Variants in TMCO1 observed in about 807,000 individuals in gnomAD.
TMCO1 encodes the protein transmembrane and coiled-coil domains 1.
TMCO1 carries 29 observed loss-of-function variants against 29.3 expected under a neutral mutation model. The observed-to-expected ratio is 0.99, with a 90% CI of 0.74 to 1.35. The LOEUF (loss-of-function observed/expected upper bound fraction) is 1.35. TMCO1 is among the 40% of genes most tolerant of loss of function. TMCO1 has a pLI of 0.00. For synonymous variants in TMCO1, 80 were observed against 77.1 expected, an observed-to-expected ratio of 1.04 and a Z score of -0.20; for missense variants, 173 against 225.5, an observed-to-expected ratio of 0.77 and a Z score of 1.49.
At chr1:165,768,880 G>A (rs949839058), upstream of TMCO1, 83 of 1,555,834 alleles carry the variant, frequency 5.3e-5, 1 homozygote, top group Non-Finnish European at 7.0e-5. Flanking sequence ...ACAGCCCGAA[G>A]ATCGCACTTC....
intron 3 of TMCO1, among the ~76,000 whole-genome samples, chr1:165,756,214 C>T (rs933133948): frequency 1.3e-5 from 2 of 152,012 alleles, no homozygotes; most frequent in South Asian, 2.1e-4. Flanking sequence ...TGAGATAGAA[C>T]CCAAGGACAC....
chr1:165,759,951 T>C (rs968565048), intron 2 of TMCO1, among the ~76,000 whole-genome samples: 2 of 152,150 alleles, frequency 1.3e-5, no homozygotes, highest in Non-Finnish European at 2.9e-5. Context: ...CATTCTCTTA[T>C]GACAGAAGGT....
intron 6 of TMCO1, among the ~76,000 whole-genome samples, chr1:165,741,268 C>A (rs907958540): frequency 4.6e-5 from 7 of 152,120 alleles, no homozygotes; most frequent in Admixed American, 6.6e-5. Flanking sequence ...ATTTCTCAAT[C>A]TTTTCCCATT....
At chr1:165,731,737 T>C (rs1651166917) in intron 6 of TMCO1, among the ~76,000 whole-genome samples, 2 of 152,262 alleles carry the variant, frequency 1.3e-5, no homozygotes, top group South Asian at 2.1e-4. Context: ...CAAATAGCAA[T>C]AGCAGCAACA....
chr1:165,752,185 C>A lies in TMCO1; in HGVS notation c.256-16G>T, dbSNP rs1351217379. ...TCATTCGAACCTGTAATGAGACGAACAAATTGTCATTTTACACTAAAAAAA... is the reference window on the plus strand; with the variant it reads ...TCATTCGAACCTGTAATGAGACGAAAAAATTGTCATTTTACACTAAAAAAA... On this transcript the variant is annotated splice_polypyrimidine_tract_variant and intron_variant, in intron 4 of 6. Coordinates refer to ENST00000367881, the MANE Select transcript of TMCO1 (RefSeq NM_019026.6). The A allele has an allele frequency of 6.3e-7, 1 of 1,592,488 alleles. No individual in the cohort carries two copies.
intron 6 of TMCO1, 139 bp from the exon 7 acceptor site, chr1:165,728,260 CT>C (rs397967679): frequency 0.11 from 45,668 of 407,164 alleles, no homozygotes; most frequent in South Asian, 0.18. Flanking sequence ...ATGATTATCA[CT>C]TTTTTTTTTT....
At chr1:165,768,518 TCC>T in intron 1 of TMCO1, 162 bp downstream of exon 1, 1 of 1,550,878 alleles carries the variant, frequency 6.4e-7, no homozygotes, top group Non-Finnish European at 8.7e-7. Flanking sequence ...GACTCCATAC[TCC>T]CCTCCTGCTC....
At chr1:165,753,950 ACTT>A (rs1232835349) in intron 4 of TMCO1, among the ~76,000 whole-genome samples, 1 of 152,114 alleles carries the variant, frequency 6.6e-6, no homozygotes, top group Non-Finnish European at 1.5e-5. Context: ...AAAATAAACT[ACTT>A]CATTTGAAAA....
chr1:165,759,554 G>A lies in TMCO1; in HGVS notation c.179C>T (p.Ser60Leu). ...TTTCTTTTTCTGTTGTCGACCAGCT[G>A]ACTCTGTTATTGTTTCCTTCTTCTT... is the stretch of plus-strand genomic sequence containing the variant. ...LEKKKETITE[S>L]AGRQQKKKIE... is the part of the protein sequence containing the mutation. Residue 60 changes from serine to leucine, a missense_variant, in exon 3 of 7, where the codon TCA becomes TTA. Physicochemically the swap from Ser to Leu is moderately radical, Grantham distance 145. Coordinates refer to ENST00000367881, the MANE Select transcript of TMCO1 (RefSeq NM_019026.6). 3 of 1,612,798 alleles carry A rather than the reference G, an allele frequency of 1.9e-6. No homozygotes were observed. Among genetic ancestry groups the A allele is most frequent in the Non-Finnish European group, 2.5e-6 (3 of 1,179,346 alleles).
chr1:165,728,248 G>C, intron 6 of TMCO1, 127 bp from the exon 7 acceptor site: 1 of 667,868 alleles, frequency 1.5e-6, no homozygotes, highest in East Asian at 3.7e-5. Context: ...ACCTGCAATA[G>C]GATGATTATC....
At chr1:165,725,022 CTCTATATA>C (rs777089291), downstream of TMCO1, 5,309 of 98,746 alleles carry the variant, frequency 0.054, 63 homozygotes, top group Admixed American at 0.08. Context: ...CTCTCTCTCT[CTCTATATA>C]TATATATATA....
intron 5 of TMCO1, among the ~76,000 whole-genome samples, chr1:165,747,880 A>G (rs1342571960): frequency 6.6e-6 from 1 of 152,132 alleles, no homozygotes; most frequent in Non-Finnish European, 1.5e-5. Context: ...AAGGGAAGGC[A>G]GGGCGTGGTG....
intron 6 of TMCO1, among the ~76,000 whole-genome samples, chr1:165,735,704 G>A (rs1463446871): frequency 6.6e-6 from 1 of 151,892 alleles, no homozygotes; most frequent in Admixed American, 6.6e-5. Flanking sequence ...TAGTAGAGAC[G>A]GGGTTTCAAC....
chr1:165,736,720 CAAAA>C (rs59372599), intron 6 of TMCO1, among the ~76,000 whole-genome samples: 1 of 122,772 alleles, frequency 8.1e-6, no homozygotes, highest in Non-Finnish European at 1.8e-5. Flanking sequence ...GACTCCATCT[CAAAA>C]AAAAAAAAAA....
At chr1:165,731,705 A>C (rs1250514747) in intron 6 of TMCO1, among the ~76,000 whole-genome samples, 1 of 152,272 alleles carries the variant, frequency 6.6e-6, no homozygotes, top group African/African-American at 2.4e-5. Context: ...AGGGTAAGCC[A>C]CTGCTCTAGA....
At chr1:165,761,290 T>C (rs1479747370) in intron 2 of TMCO1, among the ~76,000 whole-genome samples, 1 of 152,080 alleles carries the variant, frequency 6.6e-6, no homozygotes, top group Non-Finnish European at 1.5e-5. Context: ...ATCCCAGCAC[T>C]CTGGTAGGTT....
At chr1:165,760,469 T>C (rs1241335868) in intron 2 of TMCO1, among the ~76,000 whole-genome samples, 1 of 151,700 alleles carries the variant, frequency 6.6e-6, no homozygotes, top group Non-Finnish European at 1.5e-5. Flanking sequence ...TTCTGATGCA[T>C]TTCAATTACT....
At chr1:165,736,317 T>C (rs1316008879) in intron 6 of TMCO1, among the ~76,000 whole-genome samples, 1 of 152,226 alleles carries the variant, frequency 6.6e-6, no homozygotes, top group Non-Finnish European at 1.5e-5. Flanking sequence ...TCAACACTTC[T>C]TCCAAAGAAT....
At chr1:165,766,558 C>T (rs1476086340) in intron 2 of TMCO1, among the ~76,000 whole-genome samples, 4 of 152,012 alleles carry the variant, frequency 2.6e-5, no homozygotes, top group Non-Finnish European at 5.9e-5. Context: ...GAGGCCTAGC[C>T]GGGAGGATCG....
Sources: gnomAD v4.1 joint callset for allele counts (sites outside exome capture counted in the v4.1 genomes callset) on GRCh38, gnomAD v4.1.1 for gene constraint, MANE v1.5 for transcripts, NCBI Gene and HGNC (gene_info 2026-07-23, HGNC 2026-07-21) for gene names.